The following NAV2 variants were observed in gnomAD, a reference collection of about 807,000 sequenced individuals.
The protein encoded by NAV2 is neuron navigator 2.
Under a neutral mutation model 223.2 loss-of-function variants are expected in NAV2, and 54 were observed. The ratio of observed to expected loss-of-function variants is 0.24; its 90% confidence interval spans 0.19 to 0.30. The LOEUF is 0.30. Ranked by LOEUF, NAV2 falls within the 10% of genes least tolerant of loss-of-function variation. The pLI is 1.00. For missense variants in NAV2, 2,806 were observed against 3,147.5 expected, an observed-to-expected ratio of 0.89 and a Z score of 2.60; for synonymous variants, 1,279 against 1,239.3, an observed-to-expected ratio of 1.03 and a Z score of -0.67.
intron 1 of NAV2, among the ~76,000 whole-genome samples, chr11:19,434,475 G>A (rs1016168423): frequency 6.6e-6 from 1 of 152,298 alleles, no homozygotes; most frequent in African/African-American, 2.4e-5. Context: ...AAGGAAGTGA[G>A]GAGTTTTTCA....
intron 1 of NAV2, among the ~76,000 whole-genome samples, chr11:19,554,408 T>C (rs2044797805): frequency 6.6e-6 from 1 of 152,166 alleles, no homozygotes; most frequent in African/African-American, 2.4e-5. Context: ...GCAGGAAGTG[T>C]CTAACCCTCT....
chr11:19,356,716 G>GCAT (rs1276778226), intron 1 of NAV2, among the ~76,000 whole-genome samples: 2 of 152,164 alleles, frequency 1.3e-5, no homozygotes, highest in Non-Finnish European at 1.5e-5. Flanking sequence ...GGACTGAATT[G>GCAT]CATTTCCCAA....
chr11:19,631,715 G>T (rs996720612), intron 1 of NAV2, among the ~76,000 whole-genome samples: 65 of 152,170 alleles, frequency 4.3e-4, no homozygotes, highest in African/African-American at 1.5e-3. Context: ...CACCTAGAAG[G>T]CACCCTCTGA....
At chr11:19,461,979 G>A (rs9633841) in intron 1 of NAV2, among the ~76,000 whole-genome samples, 1 of 151,372 alleles carries the variant, frequency 6.6e-6, no homozygotes. Context: ...CTAATTTTTT[G>A]TGTGTTTTTA....
At chr11:19,914,216 T>C (rs1021219003) in intron 6 of NAV2, among the ~76,000 whole-genome samples, 8 of 152,230 alleles carry the variant, frequency 5.3e-5, no homozygotes, top group African/African-American at 1.7e-4. Context: ...AGAACTCACA[T>C]GTGGAAGACC....
intron 1 of NAV2, among the ~76,000 whole-genome samples, chr11:19,782,593 T>C (rs144411034): frequency 2.0e-5 from 3 of 152,322 alleles, no homozygotes; most frequent in African/African-American, 7.2e-5. Flanking sequence ...TAAGCTTTTC[T>C]TCAGGGTCTC....
chr11:19,582,985 G>A (rs1043962221), intron 1 of NAV2, among the ~76,000 whole-genome samples: 4 of 152,152 alleles, frequency 2.6e-5, no homozygotes, highest in Non-Finnish European at 5.9e-5. Flanking sequence ...CCATTTTCAC[G>A]ATATTGATTC....
chr11:20,063,896 A>T (rs762699762), intron 20 of NAV2, among the ~76,000 whole-genome samples: 1 of 152,202 alleles, frequency 6.6e-6, no homozygotes, highest in Non-Finnish European at 1.5e-5. Flanking sequence ...CAAGTTAAAG[A>T]TACCAGGGCC....
At chr11:19,945,744 A>G (rs928082319) in intron 8 of NAV2, among the ~76,000 whole-genome samples, 1 of 152,194 alleles carries the variant, frequency 6.6e-6, no homozygotes, top group African/African-American at 2.4e-5. Context: ...GCCTGATCCC[A>G]GTTTGTCTCC....
chr11:19,390,336 C>T (rs1296675863), intron 1 of NAV2, among the ~76,000 whole-genome samples: 1 of 152,128 alleles, frequency 6.6e-6, no homozygotes. Flanking sequence ...CATATCCTTG[C>T]CTCAGCTTTT....
At chr11:19,476,006 A>G (rs1206805830) in intron 1 of NAV2, among the ~76,000 whole-genome samples, 2 of 151,810 alleles carry the variant, frequency 1.3e-5, no homozygotes, top group African/African-American at 4.8e-5. Flanking sequence ...ACAGAGTCTT[A>G]CTCTACTCAC....
chr11:19,951,392 T>C (rs1340949936), intron 10 of NAV2, among the ~76,000 whole-genome samples: 1 of 151,412 alleles, frequency 6.6e-6, no homozygotes, highest in East Asian at 2.0e-4. Flanking sequence ...CTTTTTTTTC[T>C]AGTTTTCCAT....
At chr11:19,633,096 G>A (rs2047390638) in intron 1 of NAV2, among the ~76,000 whole-genome samples, 1 of 152,056 alleles carries the variant, frequency 6.6e-6, no homozygotes, top group South Asian at 2.1e-4. Context: ...TCATCGCAGT[G>A]CCTGGCAGAG....
intron 1 of NAV2, among the ~76,000 whole-genome samples, chr11:19,539,807 C>T (rs1565030857): frequency 1.3e-5 from 2 of 152,334 alleles, no homozygotes; most frequent in South Asian, 4.1e-4. Flanking sequence ...AGCAGGCAGG[C>T]TACAAATGCT....
At chr11:19,588,127 C>T (rs1423529037) in intron 1 of NAV2, among the ~76,000 whole-genome samples, 1 of 152,164 alleles carries the variant, frequency 6.6e-6, no homozygotes. Flanking sequence ...ACTTGGGTCA[C>T]CTGACAGAAA....
chr11:19,779,289 C>T (rs141753390), intron 1 of NAV2, among the ~76,000 whole-genome samples: 2,283 of 152,292 alleles, frequency 0.015, 28 homozygotes, highest in Non-Finnish European at 0.02. Flanking sequence ...GTAGCAGTTT[C>T]TGTCCCGTGT....
chr11:19,373,460 C>G (rs1848538647), intron 1 of NAV2, among the ~76,000 whole-genome samples: 3 of 152,172 alleles, frequency 2.0e-5, no homozygotes, highest in Admixed American at 2.0e-4. Context: ...GTCTTTGCAC[C>G]TGCTTTTCTC....
intron 11 of NAV2, among the ~76,000 whole-genome samples, chr11:20,004,960 G>C (rs946864178): frequency 6.6e-6 from 1 of 152,116 alleles, no homozygotes; most frequent in Non-Finnish European, 1.5e-5. Context: ...AATGCAGATA[G>C]TAAGAAGTGC....
intron 1 of NAV2, among the ~76,000 whole-genome samples, chr11:19,425,584 G>A (rs2702638): frequency 0.011 from 1,666 of 152,238 alleles, 30 homozygotes; most frequent in African/African-American, 0.038. Context: ...TTTATTTTAC[G>A]TGGTCCTGCC....
Sources: gnomAD v4.1 joint callset for allele counts (sites outside exome capture counted in the v4.1 genomes callset) on GRCh38, gnomAD v4.1.1 for gene constraint, MANE v1.5 for transcripts, NCBI Gene and HGNC (gene_info 2026-07-23, HGNC 2026-07-21) for gene names.